CNBD1: variants seen among roughly 807,000 people sequenced by gnomAD.
CNBD1 encodes cyclic nucleotide binding domain containing 1.
In CNBD1, 71 loss-of-function variants were observed where a neutral mutation model predicts 54.4. That is an observed-to-expected ratio of 1.30 (90% confidence interval 1.08 to 1.59). CNBD1 has a LOEUF of 1.59. CNBD1 is among the 40% of genes most tolerant of loss of function. The pLI is 0.00. For missense variants in CNBD1, 659 were observed against 518.0 expected (o/e 1.27, Z -2.64); for synonymous variants, 182 against 170.7 (o/e 1.07, Z -0.51).
intron 2 of CNBD1, among the ~76,000 whole-genome samples, chr8:86,895,803 T>C (rs1040108348): frequency 6.6e-6 from 1 of 152,198 alleles, no homozygotes; most frequent in Non-Finnish European, 1.5e-5. Flanking sequence ...TGTTTTCTTA[T>C]TGTTGAGTTT....
intron 4 of CNBD1, among the ~76,000 whole-genome samples, chr8:86,956,152 G>A (rs1319891965): frequency 2.6e-5 from 4 of 152,070 alleles, no homozygotes; most frequent in East Asian, 1.9e-4. Context: ...GATATGCGGA[G>A]TTATTTCTGA....
chr8:87,145,184 A>C (rs1160733277), intron 4 of CNBD1, among the ~76,000 whole-genome samples: 2 of 152,208 alleles, frequency 1.3e-5, no homozygotes, highest in African/African-American at 4.8e-5. Flanking sequence ...GAAAATTGTC[A>C]AAGCAGCCAG....
chr8:86,926,771 A>G (rs1010797264), intron 3 of CNBD1, among the ~76,000 whole-genome samples: 5 of 152,198 alleles, frequency 3.3e-5, no homozygotes, highest in Admixed American at 6.5e-5. Flanking sequence ...TTGCAGAGTA[A>G]GGACAGACCC....
intron 9 of CNBD1, 128 bp downstream of exon 9, chr8:87,351,922 A>T: frequency 1.0e-6 from 1 of 964,724 alleles, no homozygotes; most frequent in Non-Finnish European, 1.4e-6. Context: ...AATTTTTTGA[A>T]ATTTTTGTGT....
intron 10 of CNBD1, among the ~76,000 whole-genome samples, chr8:87,371,994 T>C (rs1056849714): frequency 1.3e-5 from 2 of 151,744 alleles, no homozygotes; most frequent in Non-Finnish European, 2.9e-5. Flanking sequence ...CCAGGGCAAT[T>C]AGGCAGGAGA....
chr8:87,412,839 T>A (rs1807771004), intron 2 of CNBD1, among the ~76,000 whole-genome samples: 1 of 152,016 alleles, frequency 6.6e-6, no homozygotes, highest in Non-Finnish European at 1.5e-5. Flanking sequence ...TGTAAATGAT[T>A]ACATTCTTGT....
At chr8:87,186,223 C>A (rs922394390) in intron 4 of CNBD1, among the ~76,000 whole-genome samples, 4 of 151,964 alleles carry the variant, frequency 2.6e-5, no homozygotes, top group Non-Finnish European at 1.5e-5. Context: ...TCTTACTTGG[C>A]GTATCTCATT....
At chr8:87,355,459 T>G (rs1049856384) in intron 10 of CNBD1, among the ~76,000 whole-genome samples, 2 of 152,098 alleles carry the variant, frequency 1.3e-5, no homozygotes, top group African/African-American at 4.8e-5. Flanking sequence ...TTATCTAAAA[T>G]TTTAGAGCTC....
At chr8:87,028,305 C>T (rs575327343) in intron 4 of CNBD1, among the ~76,000 whole-genome samples, 51 of 152,260 alleles carry the variant, frequency 3.3e-4, no homozygotes, top group African/African-American at 9.9e-4. Context: ...GCAATGGGGC[C>T]GGAGAGAGAC....
intron 6 of CNBD1, among the ~76,000 whole-genome samples, chr8:87,271,533 C>A (rs1416286291): frequency 6.6e-6 from 1 of 151,700 alleles, no homozygotes; most frequent in Non-Finnish European, 1.5e-5. Flanking sequence ...TGTTGTTTAA[C>A]TTCTGTGGGT....
rs190868898 is a variant in CNBD1 at position 86,988,418 on chromosome 8, G to A, written c.431+48664G>A. On this transcript the variant is annotated intron_variant, in intron 4 of 10. Coordinates refer to ENST00000518476, the MANE Select transcript of CNBD1 (RefSeq NM_173538.3). Reference sequence around the variant, plus strand: ...GGTACATGGTGTATATATTTATGGAGTACATGAGATATTTTAATATAGGCA... The same window carrying A: ...GGTACATGGTGTATATATTTATGGAATACATGAGATATTTTAATATAGGCA... 3.5e-4 allele frequency among the ~76,000 whole-genome samples: 53 copies of A among 151,924 alleles called. 2 individuals are homozygous for A. The highest frequency in any genetic ancestry group is 3.3e-3 in the Admixed American group (50 of 15,246).
intron 4 of CNBD1, among the ~76,000 whole-genome samples, chr8:87,095,656 C>A (rs940693429): frequency 2.0e-5 from 3 of 152,066 alleles, no homozygotes; most frequent in Non-Finnish European, 4.4e-5. Context: ...ATATATATAT[C>A]TGTTCTCGTC....
At chr8:86,999,969 A>G (rs1808958967) in intron 4 of CNBD1, among the ~76,000 whole-genome samples, 1 of 152,172 alleles carries the variant, frequency 6.6e-6, no homozygotes, top group African/African-American at 2.4e-5. Context: ...ACTGAATTTT[A>G]TCAATATTAT....
intron 4 of CNBD1, among the ~76,000 whole-genome samples, chr8:87,026,382 T>A (rs1160752100): frequency 6.6e-6 from 1 of 150,740 alleles, no homozygotes; most frequent in Non-Finnish European, 1.5e-5. Context: ...CCTCCCTTCT[T>A]CCCTTTCTTT....
chr8:86,996,861 C>T (rs1808885404), intron 4 of CNBD1, among the ~76,000 whole-genome samples: 1 of 152,302 alleles, frequency 6.6e-6, no homozygotes, highest in East Asian at 1.9e-4. Flanking sequence ...AAGACTAAAG[C>T]ACTGGCAGAT....
At chr8:87,347,663 G>A (rs1010314580) in intron 8 of CNBD1, among the ~76,000 whole-genome samples, 5 of 152,112 alleles carry the variant, frequency 3.3e-5, no homozygotes, top group African/African-American at 4.8e-5. Flanking sequence ...TAAGAAAGAT[G>A]AGGTAAATGT....
chr8:86,905,775 G>T (rs1402479503), intron 3 of CNBD1, among the ~76,000 whole-genome samples: 1 of 152,148 alleles, frequency 6.6e-6, no homozygotes, highest in Admixed American at 6.5e-5. Flanking sequence ...TTGTGATGCA[G>T]CTCCTCTCAA....
chr8:87,368,857 T>C (rs1169576686), intron 10 of CNBD1, among the ~76,000 whole-genome samples: 1 of 151,922 alleles, frequency 6.6e-6, no homozygotes, highest in Non-Finnish European at 1.5e-5. Flanking sequence ...AAATCTGCCA[T>C]AGGAGAATTA....
At chr8:87,353,346 A>C (rs1810346046) in intron 9 of CNBD1, among the ~76,000 whole-genome samples, 1 of 152,112 alleles carries the variant, frequency 6.6e-6, no homozygotes, top group Non-Finnish European at 1.5e-5. Flanking sequence ...GATATCCTAG[A>C]TCCTTGAAAT....
Sources: gnomAD v4.1 joint callset for allele counts (sites outside exome capture counted in the v4.1 genomes callset) on GRCh38, gnomAD v4.1.1 for gene constraint, MANE v1.5 for transcripts, NCBI Gene and HGNC (gene_info 2026-07-23, HGNC 2026-07-21) for gene names.